GPBAR1: variants seen among roughly 807,000 people sequenced by gnomAD.
GPBAR1 encodes the protein G-protein coupled bile acid receptor 1.
GPBAR1 carries 13 observed loss-of-function variants against 13.0 expected under a neutral mutation model. The observed-to-expected ratio is 1.00, with a 90% CI of 0.65 to 1.59. The LOEUF is 1.59. Among genes scored for constraint, GPBAR1 ranks in the 40% most tolerant of loss-of-function variants. The pLI, the probability that GPBAR1 is intolerant of heterozygous loss-of-function variation, is 0.00. For synonymous variants in GPBAR1, 193 were observed against 205.2 expected, an observed-to-expected ratio of 0.94 and a Z score of 0.51; for missense variants, 398 against 436.4, an observed-to-expected ratio of 0.91 and a Z score of 0.78.
At chr2:218,259,552 C>T (rs1355912697), upstream of GPBAR1, 1 of 152,352 alleles carries the variant, frequency 6.6e-6, no homozygotes, top group Non-Finnish European at 1.5e-5. Context: ...TCCTTCCGAC[C>T]CACCAGCTCC....
Position 218,263,228 on chromosome 2 carries a change from C to T in GPBAR1, c.504C>T (p.Leu168=), listed in dbSNP as rs760264610. The T allele has an allele frequency of 7.5e-6, 12 of 1,608,298 alleles. No homozygotes were observed. The highest frequency in any genetic ancestry group is 2.2e-5 in the East Asian group (1 of 44,882). Residue 168 remains leucine, a synonymous_variant, in exon 2 of 2, where the codon CTC becomes CTT. Transcript: ENST00000519574. This position sits in a 1 kb window ranked among gnomAD's most constrained non-coding sequence, Gnocchi z 4.2. ...TCTTCCCAGCCCCCTACCTGTACCT[C>T]GAAGTCTATGGGCTCCTGCTGCCCG... ...QAIFPAPYLY[L]EVYGLLLPAV...
Position 218,263,828 on chromosome 2 carries a change from C to T in GPBAR1, c.*111C>T, listed in dbSNP as rs150424889. ...CAGAGACCCTGCCTCTGTTTGACCCCGCACTGACTGAATAAAGCTCCTCTG... is the reference window on the plus strand; with the variant it reads ...CAGAGACCCTGCCTCTGTTTGACCCTGCACTGACTGAATAAAGCTCCTCTG... On this transcript the variant is annotated 3_prime_UTR_variant, in exon 2 of 2. Coordinates refer to ENST00000519574, the MANE Select transcript of GPBAR1 (RefSeq NM_170699.3). The surrounding 1 kb of genome is among the most constrained non-coding windows in gnomAD (Gnocchi z 4.2). The T allele has an allele frequency of 5.5e-6, 7 of 1,272,032 alleles. No homozygotes were observed. In the African/African-American group the frequency reaches 5.9e-5, roughly 11 times the overall value. The allele number at this position is 1,272,032 out of a possible 1,614,324, so 78.8% of individuals were successfully genotyped here. A position where few individuals can be genotyped will look rare whatever the true frequency, so the allele number is the denominator to read the frequency against.
chr2:218,262,615 A>G lies in GPBAR1; in HGVS notation c.-45-65A>G, dbSNP rs1029886745. 2 of 1,221,602 alleles carry G rather than the reference A, an allele frequency of 1.6e-6. No homozygotes were observed. The highest frequency in any genetic ancestry group is 1.5e-5 in the African/African-American group (1 of 65,246). The allele number at this position is 1,221,602 out of a possible 1,614,324, so 75.7% of individuals were successfully genotyped here. A position where few individuals can be genotyped will look rare whatever the true frequency, so the allele number is the denominator to read the frequency against. ...TGCGGGTCTGCGCCCCTGGATTAAC[A>G]TGCTGCCCTGCCAGGAGGACACGAC... On this transcript the variant is annotated intron_variant, in intron 1 of 1. Transcript: ENST00000519574. This position sits in a 1 kb window ranked among gnomAD's most constrained non-coding sequence, Gnocchi z 5.1.
chr2:218,261,452 C>T (rs189117027), intron 1 of GPBAR1, among the ~76,000 whole-genome samples: 75 of 152,264 alleles, frequency 4.9e-4, no homozygotes, highest in African/African-American at 1.7e-3. Flanking sequence ...GTAATGGACC[C>T]TGAGTCTCAC....
In GPBAR1 at chr2:218,263,818, T is replaced by C. The variant is rs1690544262; in HGVS notation, c.*101T>C. ...TTCTCTGGATCAGAGACCCTGCCTCTGTTTGACCCCGCACTGACTGAATAA... is the reference window on the plus strand; with the variant it reads ...TTCTCTGGATCAGAGACCCTGCCTCCGTTTGACCCCGCACTGACTGAATAA... On this transcript the variant is annotated 3_prime_UTR_variant, in exon 2 of 2. Coordinates refer to ENST00000519574, the MANE Select transcript of GPBAR1 (RefSeq NM_170699.3). This position sits in a 1 kb window ranked among gnomAD's most constrained non-coding sequence, Gnocchi z 4.2. The C allele has an allele frequency of 7.2e-7, 1 of 1,381,362 alleles. No homozygotes were observed. The highest frequency in any genetic ancestry group is 1.0e-6 in the Non-Finnish European group (1 of 972,170). 85.6% of individuals were successfully genotyped at this position (1,381,362 alleles called of 1,614,324 possible). A position where few individuals can be genotyped will look rare whatever the true frequency, so the allele number is the denominator to read the frequency against.
Position 218,263,593 on chromosome 2 carries a change from C to T in GPBAR1, c.869C>T (p.Pro290Leu). Residue 290 changes from proline to leucine, a missense_variant, in exon 2 of 2, where the codon CCC becomes CTC. Coordinates refer to ENST00000519574, the MANE Select transcript of GPBAR1 (RefSeq NM_170699.3). The surrounding 1 kb of genome is among the most constrained non-coding windows in gnomAD (Gnocchi z 4.2). The stretch of plus-strand genomic sequence containing the variant: ...CTGGGCGATCAGCGCTACACAGCCC[C>T]CTGGAGGGCAGCCGCCCAAAGGTGC... ...MGLGDQRYTA[P>L]WRAAAQRCLQ... The T allele has an allele frequency of 6.2e-7, 1 of 1,612,786 alleles. No homozygotes were observed. The highest frequency in any genetic ancestry group is 1.1e-5 in the South Asian group (1 of 91,084).
upstream of GPBAR1, among the ~76,000 whole-genome samples, chr2:218,260,849 C>T (rs767530952): frequency 3.3e-5 from 5 of 152,186 alleles, no homozygotes; most frequent in South Asian, 4.2e-4. Context: ...CAGATTACTC[C>T]GAGCTGGAGT....
At chr2:218,259,690 C>T (rs1690366844), upstream of GPBAR1, 1 of 152,292 alleles carries the variant, frequency 6.6e-6, no homozygotes, top group African/African-American at 2.4e-5. Flanking sequence ...GGCTTCCAGC[C>T]CTTCAGGCCC....
At chr2:218,261,809 C>T (rs1033651851) in intron 1 of GPBAR1, among the ~76,000 whole-genome samples, 6 of 152,134 alleles carry the variant, frequency 3.9e-5, no homozygotes, top group African/African-American at 1.2e-4. Context: ...CCACAGGACC[C>T]AGGACCCCTC....
chr2:218,262,481 C>A lies in GPBAR1; in HGVS notation c.-45-199C>A. On this transcript the variant is annotated intron_variant, in intron 1 of 1. Transcript: ENST00000519574. This position sits in a 1 kb window ranked among gnomAD's most constrained non-coding sequence, Gnocchi z 5.1. The stretch of plus-strand genomic sequence containing the variant: ...GCTACCACACAGGACATATGTGTTG[C>A]CAGACCTGAATTTTCAATAGAAACC... 1 of 556,632 alleles carries A rather than the reference C, an allele frequency of 1.8e-6. No individual in the cohort carries two copies. The highest frequency in any genetic ancestry group is 3.2e-6 in the Non-Finnish European group (1 of 315,202). 34.5% of individuals were successfully genotyped at this position (556,632 alleles called of 1,614,324 possible). A position where few individuals can be genotyped will look rare whatever the true frequency, so the allele number is the denominator to read the frequency against.
At position 218,262,959 on chromosome 2, in the gene GPBAR1, C is replaced by A; in HGVS notation, c.235C>A (p.Arg79Ser). 6.2e-7 allele frequency: 1 copy of A among 1,613,938 alleles called. No individual in the cohort carries two copies. The highest frequency in any genetic ancestry group is 1.3e-5 in the African/African-American group (1 of 75,022). The change falls in exon 2 of 2, where the codon CGC becomes AGC. Residue 79 changes from arginine (R) to serine (S), a missense_variant. By Grantham distance (110) the Arg-to-Ser change is moderately radical. Transcript: ENST00000519574. This position sits in a 1 kb window ranked among gnomAD's most constrained non-coding sequence, Gnocchi z 5.1. Reference sequence around the variant, plus strand: ...ATTGCCAGGGCTGTGGAACCAGAGTCGCCGGGGTTACTGGTCCTGCCTCCT... The same window carrying A: ...ATTGCCAGGGCTGTGGAACCAGAGTAGCCGGGGTTACTGGTCCTGCCTCCT... ...PTLPGLWNQS[R>S]RGYWSCLLVY...
At position 218,262,940 on chromosome 2, in the gene GPBAR1, AGGG is replaced by A. The variant is rs775590022; in HGVS notation, c.217_219del (p.Gly73del). Reference sequence around the variant, plus strand: ...CGGGTCTGGCATTGCCCACATTGCCAGGGCTGTGGAACCAGAGTCGCCGGGGTT... The same window carrying A: ...CGGGTCTGGCATTGCCCACATTGCCACTGTGGAACCAGAGTCGCCGGGGTT... On this transcript the variant is annotated inframe_deletion, in exon 2 of 2. Coordinates refer to ENST00000519574, the MANE Select transcript of GPBAR1 (RefSeq NM_170699.3). The surrounding 1 kb of genome is among the most constrained non-coding windows in gnomAD (Gnocchi z 5.1). 184 of 1,613,748 alleles carry A rather than the reference AGGG, an allele frequency of 1.1e-4. 1 individual carries two copies. Among genetic ancestry groups the A allele is most frequent in the Non-Finnish European group, 1.3e-4 (152 of 1,179,866 alleles).
At position 218,262,470 on chromosome 2, in the gene GPBAR1, CAT is replaced by C. The variant is rs1199565578; in HGVS notation, c.-45-207_-45-206del. 11 of 539,158 alleles carry C rather than the reference CAT, an allele frequency of 2.0e-5. No homozygotes were observed. Among genetic ancestry groups the C allele is most frequent in the Admixed American group, 3.3e-5 (1 of 30,374 alleles). 33.4% of individuals were successfully genotyped at this position (539,158 alleles called of 1,614,324 possible). On this transcript the variant is annotated intron_variant, in intron 1 of 1. Transcript: ENST00000519574. The surrounding 1 kb of genome is among the most constrained non-coding windows in gnomAD (Gnocchi z 5.1). ...TCCGGCTGGTTGCTACCACACAGGA[CAT>C]ATGTGTTGCCAGACCTGAATTTTCA...
Position 218,263,483 on chromosome 2 carries a change from G to C in GPBAR1, c.759G>C (p.Gln253His). ...TCCTCTCAGTCCTGGCCTATGAGCA[G>C]CGCCCGCCACTGGGGCCTGGGACAC... is the stretch of plus-strand genomic sequence containing the variant. ...TLLLSVLAYE[Q>H]RPPLGPGTLL... The change falls in exon 2 of 2, where the codon CAG becomes CAC. Residue 253 changes from glutamine to histidine, a missense_variant. Physicochemically the swap from Gln to His is conservative, Grantham distance 24. Transcript: ENST00000519574. The surrounding 1 kb of genome is among the most constrained non-coding windows in gnomAD (Gnocchi z 4.2). 2 of 1,606,618 alleles carry C rather than the reference G, an allele frequency of 1.2e-6. No individual in the cohort carries two copies. The highest frequency in any genetic ancestry group is 1.7e-4 in the Middle Eastern group (1 of 5,790).
Position 218,263,544 on chromosome 2 carries a change from G to T in GPBAR1, c.820G>T (p.Ala274Ser). The T allele has an allele frequency of 6.2e-7, 1 of 1,612,326 alleles. No individual in the cohort carries two copies. Among genetic ancestry groups the T allele is most frequent in the South Asian group, 1.1e-5 (1 of 91,048 alleles). Residue 274 changes from alanine (A) to serine (S), a missense_variant, in exon 2 of 2, where the codon GCG becomes TCG. Transcript: ENST00000519574. The surrounding 1 kb of genome is among the most constrained non-coding windows in gnomAD (Gnocchi z 4.2). ...CCTCTCCCTAGGAAGTGCCAGTGCA[G>T]CGGCAGTGCCCGTAGCCATGGGGCT... Reference protein sequence around the residue: ...SLLSLGSASAAAVPVAMGLGD... With the variant: ...SLLSLGSASASAVPVAMGLGD...
chr2:218,262,752 C>A lies in GPBAR1; in HGVS notation c.28C>A (p.Pro10Thr). 1 of 1,605,882 alleles carries A rather than the reference C, an allele frequency of 6.2e-7. No homozygotes were observed. Residue 10 changes from proline (P) to threonine (T), a missense_variant, in exon 2 of 2, where the codon CCC becomes ACC. Physicochemically the swap from Pro to Thr is conservative, Grantham distance 38 (BLOSUM62 -1). Coordinates refer to ENST00000519574, the MANE Select transcript of GPBAR1 (RefSeq NM_170699.3). This position sits in a 1 kb window ranked among gnomAD's most constrained non-coding sequence, Gnocchi z 5.1. ...GACGCCCAACAGCACTGGCGAGGTG[C>A]CCAGCCCCATTCCCAAGGGGGCTTT... MTPNSTGEV[P>T]SPIPKGALGL... is the part of the protein sequence containing the mutation.
chr2:218,263,352 G>A lies in GPBAR1; in HGVS notation c.628G>A (p.Glu210Lys), dbSNP rs201861035. The A allele has an allele frequency of 1.0e-5, 16 of 1,600,234 alleles. No individual in the cohort carries two copies. The highest frequency in any genetic ancestry group is 1.4e-5 in the Non-Finnish European group (16 of 1,175,458). The stretch of plus-strand genomic sequence containing the variant: ...GCTGGAGCGGGCAGTGTGCCGCGAT[G>A]AGCCCTCCGCCCTGGCCCGGGCCCT... ...CRLERAVCRD[E>K]PSALARALTW... Residue 210 changes from glutamate to lysine, a missense_variant, in exon 2 of 2, where the codon GAG becomes AAG. Coordinates refer to ENST00000519574, the MANE Select transcript of GPBAR1 (RefSeq NM_170699.3). The surrounding 1 kb of genome is among the most constrained non-coding windows in gnomAD (Gnocchi z 4.2).
Position 218,263,372 on chromosome 2 carries a change from G to C in GPBAR1, c.648G>C (p.Arg216=), listed in dbSNP as rs116219220. The C allele has an allele frequency of 0.029, 47,017 of 1,597,904 alleles. 799 individuals are homozygous for C. The highest frequency in any genetic ancestry group is 0.04 in the Middle Eastern group (233 of 5,810). Residue 216 remains arginine, a synonymous_variant, in exon 2 of 2, where the codon CGG becomes CGC. Transcript: ENST00000519574. This position sits in a 1 kb window ranked among gnomAD's most constrained non-coding sequence, Gnocchi z 4.2. ...GCGATGAGCCCTCCGCCCTGGCCCG[G>C]GCCCTTACCTGGAGGCAGGCAAGGG... ...VCRDEPSALA[R]ALTWRQARAQ... is the part of the protein sequence containing the mutation.
Position 218,262,343 on chromosome 2 carries a change from T to C in GPBAR1, c.-45-337T>C. The C allele has an allele frequency of 5.2e-6, 1 of 192,522 alleles. No individual in the cohort carries two copies. 11.9% of individuals were successfully genotyped at this position (192,522 alleles called of 1,614,324 possible). ...GGGGCTGGATGGGCCCGCCTTTCAG[T>C]CTAAACAAGAGACCTCAACACAGCT... On this transcript the variant is annotated intron_variant, in intron 1 of 1. Transcript: ENST00000519574. This position sits in a 1 kb window ranked among gnomAD's most constrained non-coding sequence, Gnocchi z 5.1.
Sources: allele counts gnomAD v4.1 joint callset (sites outside exome capture counted in the v4.1 genomes callset), GRCh38; gene constraint gnomAD v4.1.1; non-coding constraint Gnocchi (gnomAD v3.1); transcripts MANE v1.5; gene names NCBI Gene and HGNC (gene_info 2026-07-23, HGNC 2026-07-21).